KLF13: variants seen among roughly 807,000 people sequenced by gnomAD.
KLF13 encodes the protein Krueppel-like factor 13.
KLF13 carries 8 observed loss-of-function variants against 16.7 expected under a neutral mutation model. The observed-to-expected ratio is 0.48, with a 90% CI of 0.28 to 0.87. KLF13 has a LOEUF of 0.87. Ranked by LOEUF, KLF13 falls within the 40% of genes least tolerant of loss-of-function variation. The pLI is 0.10. For missense variants in KLF13, 447 were observed against 452.2 expected (o/e 0.99, Z 0.10); for synonymous variants, 245 against 208.4 (o/e 1.18, Z -1.51).
intron 1 of KLF13, among the ~76,000 whole-genome samples, chr15:31,426,867 A>G (rs2040406934): frequency 6.6e-6 from 1 of 152,192 alleles, no homozygotes; most frequent in African/African-American, 2.4e-5. Context: ...TCTGGAAAGA[A>G]CAAAAAAGGC....
intron 1 of KLF13, among the ~76,000 whole-genome samples, chr15:31,336,731 T>C (rs528613097): frequency 2.6e-4 from 39 of 152,256 alleles, no homozygotes; most frequent in African/African-American, 8.4e-4. Context: ...GACTCCTTTG[T>C]TGACTGGGAG....
chr15:31,329,541 A>G (rs905277357), intron 1 of KLF13, among the ~76,000 whole-genome samples: 1 of 152,140 alleles, frequency 6.6e-6, no homozygotes, highest in African/African-American at 2.4e-5. Flanking sequence ...TCAGGGCCTC[A>G]GCCTTGGGAT....
Position 31,423,167 on chromosome 15 carries a change from A to ACG in KLF13, n.118-12203_118-12202insCG, listed in dbSNP as rs1566848542. 2.6e-4 allele frequency among the ~76,000 whole-genome samples: 28 copies of ACG among 107,274 alleles called. 1 individual carries two copies. Among genetic ancestry groups the ACG allele is most frequent in the South Asian group, 7.5e-4 (3 of 4,006 alleles). 70.4% of individuals were successfully genotyped at this position (107,274 alleles called of 152,430 possible). ...TACGTATATATACGTATATATATGT[A>ACG]TATATATACATATATACGTATATAT... On this transcript the variant is annotated intron_variant and non_coding_transcript_variant, in intron 1 of 1. Transcript: ENST00000558225.
At chr15:31,410,329 G>A (rs1262051922) in intron 1 of KLF13, among the ~76,000 whole-genome samples, 5 of 151,642 alleles carry the variant, frequency 3.3e-5, no homozygotes, top group Non-Finnish European at 7.4e-5. Context: ...AAAAAGGAAA[G>A]ATAAAAAAGT....
chr15:31,342,566 C>T (rs1190981168), intron 1 of KLF13, among the ~76,000 whole-genome samples: 2 of 152,176 alleles, frequency 1.3e-5, no homozygotes, highest in African/African-American at 2.4e-5. Context: ...ATCAGCAGCC[C>T]GGAGAATCCC....
At chr15:31,434,192 C>T (rs2040503709) in intron 1 of KLF13, among the ~76,000 whole-genome samples, 1 of 152,184 alleles carries the variant, frequency 6.6e-6, no homozygotes, top group Admixed American at 6.5e-5. Flanking sequence ...TCAATATCCC[C>T]ATTCTACGGA....
chr15:31,367,138 C>G (rs1257340964), intron 1 of KLF13, among the ~76,000 whole-genome samples: 2 of 152,222 alleles, frequency 1.3e-5, no homozygotes, highest in Admixed American at 1.3e-4. Context: ...CGCCTCCACC[C>G]GTTCTCCCTT....
At chr15:31,370,708 C>G (rs146933927) in intron 1 of KLF13, among the ~76,000 whole-genome samples, 1 of 152,160 alleles carries the variant, frequency 6.6e-6, no homozygotes, top group Admixed American at 6.5e-5. Context: ...CATGAGCCAC[C>G]GCGCCTGGCC....
At chr15:31,334,658 C>A (rs7183839) in intron 1 of KLF13, among the ~76,000 whole-genome samples, 6,754 of 152,154 alleles carry the variant, frequency 0.044, 478 homozygotes, top group African/African-American at 0.15. Context: ...GAACTCCTGA[C>A]CTCAGGTGAT....
chr15:31,393,456 C>A (rs1205100857), intron 1 of KLF13: 2 of 150,966 alleles, frequency 1.3e-5, no homozygotes, highest in African/African-American at 4.9e-5. Context: ...CTAGGATGCA[C>A]CCACCCGCCA....
chr15:31,346,005 T>TG (rs2039109876), intron 1 of KLF13, among the ~76,000 whole-genome samples: 1 of 151,936 alleles, frequency 6.6e-6, no homozygotes, highest in South Asian at 2.1e-4. Context: ...GCTCCACAAG[T>TG]GTGCCCCTCT....
rs190709141 is a variant in KLF13 at position 31,331,793 on chromosome 15, C to T, written c.577+4004C>T. 1.4e-3 allele frequency among the ~76,000 whole-genome samples: 210 copies of T among 152,352 alleles called. 1 individual carries two copies. Among genetic ancestry groups the T allele is most frequent in the African/African-American group, 4.9e-3 (203 of 41,578 alleles). ...CTGCACCACCACCAAACCACTGTTA[C>T]CCCGCGTTGGTGTTTTTCTTTACAG... On this transcript the variant is annotated intron_variant, in intron 1 of 1. Transcript: ENST00000307145.
rs922731588 is a variant in KLF13, at chr15:31,372,451, C to CA, written c.*160dup. ...TGTCAAAGTAAATTTGTTAAAAAAA[C>CA]AAAAAAAACACAAAAATTTCAAAAA... On this transcript the variant is annotated 3_prime_UTR_variant, in exon 2 of 2. Transcript: ENST00000307145. The CA allele has an allele frequency of 3.6e-4, 314 of 863,680 alleles. No homozygotes were observed. Among genetic ancestry groups the CA allele is most frequent in the Middle Eastern group, 1.1e-3 (3 of 2,672 alleles). The allele number at this position is 863,680 out of a possible 1,614,324, so 53.5% of individuals were successfully genotyped here. A position where few individuals can be genotyped will look rare whatever the true frequency, so the allele number is the denominator to read the frequency against.
In KLF13 at chr15:31,374,950, G is replaced by C. The variant is rs2039619503; in HGVS notation, c.*2651G>C. 1 of 152,646 alleles carries C rather than the reference G, an allele frequency of 6.6e-6. No homozygotes were observed. Among genetic ancestry groups the C allele is most frequent in the South Asian group, 2.1e-4 (1 of 4,834 alleles). The allele number at this position is 152,646 out of a possible 1,614,324, so 9.5% of individuals were successfully genotyped here. A position where few individuals can be genotyped will look rare whatever the true frequency, so the allele number is the denominator to read the frequency against. ...TGACCCAGGGCTGTTCCGTCTGATA[G>C]ATGGAAGGGTAACATTGCCTTAAAA... On this transcript the variant is annotated 3_prime_UTR_variant, in exon 2 of 2. Transcript: ENST00000307145.
At chr15:31,336,815 C>T (rs932506535) in intron 1 of KLF13, among the ~76,000 whole-genome samples, 1 of 152,138 alleles carries the variant, frequency 6.6e-6, no homozygotes, top group South Asian at 2.1e-4. Context: ...TCACCTGGGC[C>T]ACTGGCTGGG....
chr15:31,414,843 A>G lies in KLF13; in HGVS notation n.118-20527A>G, dbSNP rs548103784. 1.1e-4 allele frequency among the ~76,000 whole-genome samples: 16 copies of G among 152,288 alleles called. No individual in the cohort carries two copies. In the East Asian group the frequency reaches 2.5e-3, roughly 24 times the overall value. On this transcript the variant is annotated intron_variant and non_coding_transcript_variant, in intron 1 of 1. Coordinates refer to the KLF13 transcript ENST00000558225. The stretch of plus-strand genomic sequence containing the variant: ...ACTTGAATGACACTATAAACCAACT[A>G]CACCTAACAGACAACTATAGAACAT...
At chr15:31,329,302 C>G (rs2038784330) in intron 1 of KLF13, among the ~76,000 whole-genome samples, 1 of 114,440 alleles carries the variant, frequency 8.7e-6, no homozygotes, top group Non-Finnish European at 1.7e-5. Context: ...AGGCTCAGCT[C>G]GGCTCCAGGT....
rs760443581 is a variant in KLF13, at chr15:31,327,701, G to A, written c.489G>A (p.Pro163=). The change falls in exon 1 of 2, where the codon CCG becomes CCA. Residue 163 remains proline (P), a synonymous_variant. Transcript: ENST00000307145. The part of the protein sequence containing the change: ...RGRSRADLES[P]QRKHKCHYAG... ...GAAGTCGCGCCGACCTCGAGTCCCC[G>A]CAGAGGAAGCACAAGTGCCACTACG... 1 of 1,537,258 alleles carries A rather than the reference G, an allele frequency of 6.5e-7. No homozygotes were observed. Among genetic ancestry groups the A allele is most frequent in the Admixed American group, 1.9e-5 (1 of 53,958 alleles).
At chr15:31,425,159 A>G (rs1481098694) in intron 1 of KLF13, among the ~76,000 whole-genome samples, 2 of 152,172 alleles carry the variant, frequency 1.3e-5, no homozygotes, top group African/African-American at 4.8e-5. Flanking sequence ...ATGTAAAGAT[A>G]TTTCACATTT....
Sources: gnomAD v4.1 joint callset for allele counts (sites outside exome capture counted in the v4.1 genomes callset) on GRCh38, gnomAD v4.1.1 for gene constraint, MANE v1.5 for transcripts, NCBI Gene and HGNC (gene_info 2026-07-23, HGNC 2026-07-21) for gene names.